LRRTM4: variants seen among roughly 807,000 people sequenced by gnomAD.
LRRTM4 encodes the protein leucine rich repeat transmembrane neuronal 4, also known as leucine-rich repeat transmembrane neuronal protein 4.
Under a neutral mutation model 47.6 loss-of-function variants are expected in LRRTM4, and 25 were observed. The ratio of observed to expected loss-of-function variants is 0.53; its 90% CI spans 0.38 to 0.73. The LOEUF (loss-of-function observed/expected upper bound fraction) is 0.73. Ranked by LOEUF, LRRTM4 falls within the 30% of genes least tolerant of loss-of-function variation. LRRTM4 has a pLI of 0.00. For missense variants in LRRTM4, 638 were observed against 713.4 expected (o/e 0.89, Z 1.20); for synonymous variants, 311 against 269.5 (o/e 1.15, Z -1.51).
intron 3 of LRRTM4, among the ~76,000 whole-genome samples, chr2:76,750,625 T>C (rs1251098167): frequency 6.6e-6 from 1 of 152,216 alleles, no homozygotes; most frequent in Non-Finnish European, 1.5e-5. Flanking sequence ...AGAGGTCTTA[T>C]GGCTCCCTAT....
At chr2:77,436,668 T>C (rs939505878) in intron 3 of LRRTM4, among the ~76,000 whole-genome samples, 1 of 151,786 alleles carries the variant, frequency 6.6e-6, no homozygotes, top group Non-Finnish European at 1.5e-5. Context: ...CATAATCTTT[T>C]GATAATGAAA....
At chr2:77,143,422 C>T (rs72911864) in intron 3 of LRRTM4, among the ~76,000 whole-genome samples, 8,603 of 152,148 alleles carry the variant, frequency 0.057, 785 homozygotes, top group African/African-American at 0.19. Context: ...AATAGTTGAT[C>T]ATTTTTGTTT....
chr2:77,229,163 T>G (rs1335482435), intron 3 of LRRTM4, among the ~76,000 whole-genome samples: 1 of 152,118 alleles, frequency 6.6e-6, no homozygotes, highest in Non-Finnish European at 1.5e-5. Context: ...CTACTTATTC[T>G]TTTTTGCTTA....
chr2:77,056,908 TACAG>T (rs534221128), intron 3 of LRRTM4, among the ~76,000 whole-genome samples: 69 of 152,322 alleles, frequency 4.5e-4, no homozygotes, highest in Admixed American at 1.1e-3. Context: ...GATTTTTTCA[TACAG>T]ACAAACTATA....
intron 3 of LRRTM4, among the ~76,000 whole-genome samples, chr2:76,757,083 T>C (rs182351303): frequency 1.3e-5 from 2 of 152,282 alleles, no homozygotes; most frequent in Non-Finnish European, 2.9e-5. Context: ...GTGGTGCAAA[T>C]TGATGCCTCA....
chr2:77,044,195 C>A (rs1446691), intron 3 of LRRTM4, among the ~76,000 whole-genome samples: 1 of 151,652 alleles, frequency 6.6e-6, no homozygotes, highest in Non-Finnish European at 1.5e-5. Flanking sequence ...TGCAGAGGAC[C>A]TACTGTCCTT....
intron 3 of LRRTM4, among the ~76,000 whole-genome samples, chr2:77,399,167 C>CTTT (rs568671038): frequency 0.033 from 4,463 of 136,634 alleles, 237 homozygotes; most frequent in African/African-American, 0.11. Flanking sequence ...AACAGCAGGG[C>CTTT]TTTTTTTTTT....
intron 3 of LRRTM4, among the ~76,000 whole-genome samples, chr2:77,353,007 G>C (rs1295925573): frequency 6.6e-6 from 1 of 151,906 alleles, no homozygotes; most frequent in African/African-American, 2.4e-5. Flanking sequence ...TTTAAATTAA[G>C]CATTATAAAA....
chr2:77,065,063 TTAA>T (rs1268670795), intron 3 of LRRTM4, among the ~76,000 whole-genome samples: 21 of 152,168 alleles, frequency 1.4e-4, no homozygotes, highest in African/African-American at 3.4e-4. Flanking sequence ...GGAATAATAA[TTAA>T]TAATAATGTT....
chr2:77,060,731 T>C (rs1041369028), intron 3 of LRRTM4, among the ~76,000 whole-genome samples: 1 of 152,262 alleles, frequency 6.6e-6, no homozygotes, highest in Admixed American at 6.5e-5. Context: ...GTTCTTACCT[T>C]GGGTAAGTGC....
chr2:77,211,214 A>G (rs985190004), intron 3 of LRRTM4, among the ~76,000 whole-genome samples: 1 of 152,344 alleles, frequency 6.6e-6, no homozygotes, highest in Non-Finnish European at 1.5e-5. Context: ...GGACAAAGAG[A>G]AACTATTATT....
intron 3 of LRRTM4, among the ~76,000 whole-genome samples, chr2:77,168,691 C>G (rs1024544481): frequency 6.6e-6 from 1 of 152,100 alleles, no homozygotes; most frequent in Non-Finnish European, 1.5e-5. Flanking sequence ...ACCAACCTCT[C>G]TTCACCCCCA....
Position 77,029,331 on chromosome 2 carries a change from T to G in LRRTM4, c.1552-280415A>C, listed in dbSNP as rs548782471. ...TGTGGAGCAAGGGAGCCAGTCCGAG[T>G]CCCAAAACCTCAAAAGTAGGGAAGC... On this transcript the variant is annotated intron_variant, in intron 3 of 3. Transcript: ENST00000409884. Among the ~76,000 whole-genome samples, 96 of 151,670 alleles carry G rather than the reference T, an allele frequency of 6.3e-4. 1 individual carries two copies. The highest frequency in any genetic ancestry group is 2.3e-3 in the African/African-American group (93 of 41,328).
intron 3 of LRRTM4, among the ~76,000 whole-genome samples, chr2:77,154,133 A>C (rs1021943524): frequency 6.6e-6 from 1 of 152,176 alleles, no homozygotes; most frequent in African/African-American, 2.4e-5. Context: ...CGGATGCTTG[A>C]ATTTATTTCC....
intron 3 of LRRTM4, among the ~76,000 whole-genome samples, chr2:77,375,760 G>A (rs76518012): frequency 0.069 from 10,488 of 151,548 alleles, 387 homozygotes; most frequent in South Asian, 0.14. Context: ...GCATACGGCC[G>A]GATTTCTTTC....
chr2:76,903,293 T>C (rs1275698652), intron 3 of LRRTM4, among the ~76,000 whole-genome samples: 1 of 152,106 alleles, frequency 6.6e-6, no homozygotes, highest in African/African-American at 2.4e-5. Context: ...TCCCAGCACT[T>C]TGGGAGGCTG....
At chr2:77,149,298 AATTTT>A (rs1231781397) in intron 3 of LRRTM4, among the ~76,000 whole-genome samples, 5 of 152,274 alleles carry the variant, frequency 3.3e-5, no homozygotes, top group South Asian at 2.1e-4. Context: ...TAAAATATTA[AATTTT>A]ATTTTATCAG....
chr2:77,478,343 G>A (rs12713914), intron 3 of LRRTM4, among the ~76,000 whole-genome samples: 140,728 of 152,262 alleles, frequency 0.92, 65,072 homozygotes, highest in Middle Eastern at 0.94. Context: ...ATATTAAGAC[G>A]TAGCTCGGGT....
intron 3 of LRRTM4, among the ~76,000 whole-genome samples, chr2:77,012,729 C>CA (rs1677920319): frequency 6.6e-6 from 1 of 152,096 alleles, no homozygotes; most frequent in Non-Finnish European, 1.5e-5. Context: ...AGCAATTCAG[C>CA]AAAACTAGGC....
Sources: allele counts gnomAD v4.1 joint callset (sites outside exome capture counted in the v4.1 genomes callset), GRCh38; gene constraint gnomAD v4.1.1; transcripts MANE v1.5; gene names NCBI Gene and HGNC (gene_info 2026-07-23, HGNC 2026-07-21).